Variants in RIC1 observed in about 807,000 individuals in gnomAD.
RIC1 encodes RIC1 partner of RAB6A GEF complex.
A neutral mutation model predicts 169.0 loss-of-function variants in RIC1; 88 were observed. The observed-to-expected ratio is 0.52, with a 90% CI of 0.44 to 0.62. The LOEUF (loss-of-function observed/expected upper bound fraction) is 0.62, where lower values mean the gene tolerates loss of function less well. RIC1 is among the 20% of genes least tolerant of loss of function. RIC1 has a pLI of 0.00. For missense variants in RIC1, 1,877 were observed against 1,725.5 expected, an observed-to-expected ratio of 1.09 and a Z score of -1.56; for synonymous variants, 790 against 601.5, an observed-to-expected ratio of 1.31 and a Z score of -4.59.
intron 7 of RIC1, among the ~76,000 whole-genome samples, chr9:5,736,005 T>G (rs1371243490): frequency 6.6e-6 from 1 of 152,158 alleles, no homozygotes; most frequent in Non-Finnish European, 1.5e-5. Context: ...ATTGGGCTGG[T>G]GAGAAATGGA....
At chr9:5,719,932 A>T (rs780422013) in intron 4 of RIC1, among the ~76,000 whole-genome samples, 2 of 152,002 alleles carry the variant, frequency 1.3e-5, no homozygotes, top group African/African-American at 4.8e-5. Flanking sequence ...TGCTGTTTCA[A>T]TATTTGTAGT....
chr9:5,734,729 CACTT>C (rs148937241), intron 7 of RIC1, among the ~76,000 whole-genome samples: 7,137 of 152,278 alleles, frequency 0.047, 225 homozygotes, highest in Non-Finnish European at 0.072. Context: ...CTCCTTGACT[CACTT>C]AGTAACTGGT....
chr9:5,651,553 T>C (rs1216858064), intron 1 of RIC1, among the ~76,000 whole-genome samples: 1 of 145,676 alleles, frequency 6.9e-6, no homozygotes, highest in East Asian at 2.1e-4. Flanking sequence ...ATTTAAGTCT[T>C]TAATCTTTTT....
At chr9:5,737,544 T>C (rs531468230) in intron 7 of RIC1, among the ~76,000 whole-genome samples, 2 of 150,210 alleles carry the variant, frequency 1.3e-5, no homozygotes, top group South Asian at 4.2e-4. Flanking sequence ...ACTGTATATC[T>C]ACTATATATA....
chr9:5,678,168 G>C (rs1258127619), intron 2 of RIC1, among the ~76,000 whole-genome samples: 1 of 152,142 alleles, frequency 6.6e-6, no homozygotes, highest in Non-Finnish European at 1.5e-5. Flanking sequence ...CCCTACAAAG[G>C]ACATGAACTC....
At chr9:5,636,472 A>G (rs77084862) in intron 1 of RIC1, among the ~76,000 whole-genome samples, 2 of 152,054 alleles carry the variant, frequency 1.3e-5, no homozygotes, top group African/African-American at 4.8e-5. Context: ...GGTGCCTGCC[A>G]CCATACCCGG....
Position 5,677,021 on chromosome 9 carries a change from C to T in RIC1, c.253-12938C>T, listed in dbSNP as rs1242039178. 3.3e-5 allele frequency among the ~76,000 whole-genome samples: 5 copies of T among 152,122 alleles called. No homozygotes were observed. The East Asian group carries it at 9.6e-4, about 29-fold the overall frequency. On this transcript the variant is annotated intron_variant, in intron 2 of 25. Coordinates refer to ENST00000414202, the MANE Select transcript of RIC1 (RefSeq NM_020829.4). ...AAGTCTTTGTATGGATGCGTATTTC[C>T]TTTTCTGTTGGGTAAATATCCATGA...
At chr9:5,771,503 C>T (rs1327967313) in intron 23 of RIC1, among the ~76,000 whole-genome samples, 1 of 152,100 alleles carries the variant, frequency 6.6e-6, no homozygotes, top group Non-Finnish European at 1.5e-5. Flanking sequence ...TATAATATTT[C>T]TGTGAGACTC....
Position 5,720,245 on chromosome 9 carries a change from C to A in RIC1, c.504C>A (p.His168Gln). 6.2e-7 allele frequency: 1 copy of A among 1,613,118 alleles called. No individual in the cohort carries two copies. Among genetic ancestry groups the A allele is most frequent in the South Asian group, 1.1e-5 (1 of 91,034 alleles). Residue 168 changes from histidine to glutamine, a missense_variant, in exon 5 of 26, where the codon CAC (histidine) becomes CAA (glutamine). Coordinates refer to ENST00000414202, the MANE Select transcript of RIC1 (RefSeq NM_020829.4). ...CTGATGGACTTCTTCATCTTATTCA[C>A]TGGGAAGGAATGACAAATGGAAGGA... ...ATSDGLLHLIHWEGMTNGRKA... is the reference protein window; with the variant it reads ...ATSDGLLHLIQWEGMTNGRKA...
intron 12 of RIC1, among the ~76,000 whole-genome samples, chr9:5,750,466 T>C (rs1033347048): frequency 6.6e-6 from 1 of 151,990 alleles, no homozygotes; most frequent in Middle Eastern, 3.4e-3. Flanking sequence ...TCATAAATTA[T>C]TTACTGTCTT....
chr9:5,660,743 A>T (rs556732390), intron 2 of RIC1, among the ~76,000 whole-genome samples: 3 of 151,978 alleles, frequency 2.0e-5, no homozygotes, highest in South Asian at 4.1e-4. Flanking sequence ...GATGCTGGAT[A>T]TTAGACCTTT....
At chr9:5,676,475 T>C (rs1001470486) in intron 2 of RIC1, among the ~76,000 whole-genome samples, 4 of 152,188 alleles carry the variant, frequency 2.6e-5, no homozygotes, top group African/African-American at 9.7e-5. Flanking sequence ...CCTCTCAAGG[T>C]AGATACTTTT....
chr9:5,650,670 G>A (rs1818755299), intron 1 of RIC1, among the ~76,000 whole-genome samples: 1 of 152,050 alleles, frequency 6.6e-6, no homozygotes, highest in African/African-American at 2.4e-5. Flanking sequence ...CTTGCTGTTA[G>A]TGGAGATGGG....
chr9:5,742,739 A>G, intron 8 of RIC1, 130 bp from the exon 9 acceptor site: 1 of 806,846 alleles, frequency 1.2e-6, no homozygotes, highest in Non-Finnish European at 1.9e-6. Flanking sequence ...ACCAGGATTT[A>G]TTTTTGGAAG....
At chr9:5,706,253 A>G (rs946177031) in intron 3 of RIC1, among the ~76,000 whole-genome samples, 4 of 152,106 alleles carry the variant, frequency 2.6e-5, no homozygotes, top group Admixed American at 2.0e-4. Context: ...AGGTCAGGAG[A>G]TCTAGACCAT....
At chr9:5,639,747 T>G (rs1278193382) in intron 1 of RIC1, among the ~76,000 whole-genome samples, 1 of 152,222 alleles carries the variant, frequency 6.6e-6, no homozygotes, top group Non-Finnish European at 1.5e-5. Context: ...ATGTTTGCTT[T>G]GTATATCTGG....
intron 8 of RIC1, 127 bp downstream of exon 8, chr9:5,738,665 G>A (rs1456543545): frequency 1.0e-5 from 5 of 487,970 alleles, no homozygotes; most frequent in Non-Finnish European, 3.5e-6. Flanking sequence ...GGCTCTGGGT[G>A]TGTAAACTGG....
intron 2 of RIC1, among the ~76,000 whole-genome samples, chr9:5,673,557 T>TAA (rs1491178593): frequency 1.3e-4 from 18 of 142,652 alleles, no homozygotes; most frequent in South Asian, 2.2e-4. Context: ...TATATATATA[T>TAA]AAATAAATGT....
chr9:5,655,520 C>T (rs1046248699), intron 1 of RIC1, among the ~76,000 whole-genome samples: 1 of 152,214 alleles, frequency 6.6e-6, no homozygotes, highest in Admixed American at 6.5e-5. Flanking sequence ...AGGCTGGTCG[C>T]AAACTCCTGA....
Sources: allele counts gnomAD v4.1 joint callset (sites outside exome capture counted in the v4.1 genomes callset), GRCh38; gene constraint gnomAD v4.1.1; transcripts MANE v1.5; gene names NCBI Gene and HGNC (gene_info 2026-07-23, HGNC 2026-07-21).